PRKCH: variants seen among roughly 807,000 people sequenced by gnomAD.
The protein encoded by PRKCH is protein kinase C eta.
PRKCH carries 28 observed loss-of-function variants against 82.5 expected under a neutral mutation model. The observed-to-expected ratio is 0.34, with a 90% confidence interval of 0.25 to 0.47. The LOEUF (loss-of-function observed/expected upper bound fraction) is 0.47. Among genes scored for constraint, PRKCH ranks in the 20% least tolerant of loss-of-function variants. PRKCH has a pLI of 1.00. For missense variants in PRKCH, 705 were observed against 881.8 expected (o/e 0.80, Z 2.54); for synonymous variants, 322 against 327.4 (o/e 0.98, Z 0.18).
intron 12 of PRKCH, among the ~76,000 whole-genome samples, chr14:61,531,009 C>T (rs912219080): frequency 5.3e-5 from 8 of 152,148 alleles, no homozygotes; most frequent in Non-Finnish European, 2.9e-5. Context: ...CAGGATGAAG[C>T]GGTCGGGTCT....
At chr14:61,415,433 G>T (rs551317862) in intron 2 of PRKCH, among the ~76,000 whole-genome samples, 1 of 152,274 alleles carries the variant, frequency 6.6e-6, no homozygotes, top group South Asian at 2.1e-4. Flanking sequence ...TGTGGAAGAG[G>T]TTTCACCCAC....
At chr14:61,376,696 C>T (rs1776539897) in intron 1 of PRKCH, among the ~76,000 whole-genome samples, 1 of 150,084 alleles carries the variant, frequency 6.7e-6, no homozygotes, top group Admixed American at 6.6e-5. Context: ...CACCTCCAGC[C>T]CCATCTACAC....
chr14:61,542,404 G>C (rs1425287699), intron 12 of PRKCH, among the ~76,000 whole-genome samples: 3 of 152,094 alleles, frequency 2.0e-5, no homozygotes, highest in Non-Finnish European at 2.9e-5. Context: ...AATAGGGTTT[G>C]GTGGTATGTG....
At chr14:61,426,981 C>T (rs1883139301) in intron 2 of PRKCH, among the ~76,000 whole-genome samples, 1 of 152,116 alleles carries the variant, frequency 6.6e-6, no homozygotes, top group African/African-American at 2.4e-5. Context: ...TATTCTGAGC[C>T]AAATATGAGT....
At chr14:61,369,246 A>G (rs2046336692) in intron 1 of PRKCH, among the ~76,000 whole-genome samples, 1 of 152,102 alleles carries the variant, frequency 6.6e-6, no homozygotes, top group Admixed American at 6.5e-5. Context: ...CTGGACCCCC[A>G]TGCCCAGATT....
chr14:61,549,611 G>A, intron 13 of PRKCH, 74 bp from the exon 14 acceptor site: 5 of 1,525,592 alleles, frequency 3.3e-6, no homozygotes, highest in Non-Finnish European at 4.5e-6. Flanking sequence ...CACTGGAATG[G>A]GCTATATCCC....
At chr14:61,189,256 A>G (rs1275680705) in intron 1 of PRKCH, among the ~76,000 whole-genome samples, 2 of 152,186 alleles carry the variant, frequency 1.3e-5, no homozygotes, top group Non-Finnish European at 1.5e-5. Context: ...CCCAGCCCTG[A>G]CCTTACTGAG....
chr14:61,530,332 A>T, intron 11 of PRKCH, 75 bp from the exon 12 acceptor site: 9 of 1,380,960 alleles, frequency 6.5e-6, no homozygotes, highest in African/African-American at 1.5e-5. Context: ...TAATGCATCA[A>T]TTTCCCTAGT....
chr14:61,456,349 C>A (rs1352889325), intron 7 of PRKCH, among the ~76,000 whole-genome samples: 2 of 152,152 alleles, frequency 1.3e-5, no homozygotes, highest in African/African-American at 4.8e-5. Context: ...GTATTCACTC[C>A]AGTGTTATTC....
chr14:61,477,843 AC>A (rs1307316141), intron 9 of PRKCH, among the ~76,000 whole-genome samples: 2 of 152,072 alleles, frequency 1.3e-5, no homozygotes, highest in Non-Finnish European at 2.9e-5. Flanking sequence ...ACCTCCTTCG[AC>A]CCTCTATACC....
In PRKCH at chr14:61,280,455, C is replaced by A; in HGVS notation, c.-19+92787C>A. ...GGTCGGGGCTGAGCTCGTAGACTGG[C>A]CGGCGCCAGTTGGGCGGGGGCGCCG... On this transcript the variant is annotated intron_variant, in intron 1 of 3. Coordinates refer to the PRKCH transcript ENST00000555185. The surrounding 1 kb of genome is among the most constrained non-coding windows in gnomAD (Gnocchi z 5.0). 6.2e-7 allele frequency: 1 copy of A among 1,613,728 alleles called. No homozygotes were observed. Among genetic ancestry groups the A allele is most frequent in the Non-Finnish European group, 8.5e-7 (1 of 1,179,802 alleles).
intron 1 of PRKCH, among the ~76,000 whole-genome samples, chr14:61,310,925 G>A (rs546185950): frequency 6.6e-6 from 1 of 152,366 alleles, no homozygotes; most frequent in East Asian, 1.9e-4. Flanking sequence ...CAAGGCTTGG[G>A]GCTTGCACCT....
At chr14:61,402,819 AAAG>A (rs1412792891) in intron 2 of PRKCH, among the ~76,000 whole-genome samples, 3 of 134,464 alleles carry the variant, frequency 2.2e-5, no homozygotes, top group African/African-American at 1.2e-4. Context: ...AAAAAAGAAA[AAAG>A]AAAGAATCTA....
chr14:61,403,557 G>T lies in PRKCH; in HGVS notation c.427+12269G>T, dbSNP rs114426670. Reference sequence around the variant, plus strand: ...CAGGAAGTGACACCAAAACAACTCAGAAGCCTGTGGTGGTTTCTAACTTTA... The same window carrying T: ...CAGGAAGTGACACCAAAACAACTCATAAGCCTGTGGTGGTTTCTAACTTTA... On this transcript the variant is annotated intron_variant, in intron 2 of 13. Coordinates refer to ENST00000332981, the MANE Select transcript of PRKCH (RefSeq NM_006255.5). Among the ~76,000 whole-genome samples, 980 of 152,336 alleles carry T rather than the reference G, an allele frequency of 6.4e-3. 12 individuals are homozygous for T. Among genetic ancestry groups the T allele is most frequent in the African/African-American group, 0.022 (924 of 41,574 alleles).
chr14:61,473,506 A>C (rs1455135174), intron 9 of PRKCH, among the ~76,000 whole-genome samples: 1 of 152,232 alleles, frequency 6.6e-6, no homozygotes, highest in Non-Finnish European at 1.5e-5. Context: ...ACACTAAAGA[A>C]GTAGACATGA....
intron 2 of PRKCH, among the ~76,000 whole-genome samples, chr14:61,419,356 G>A (rs183553679): frequency 3.9e-4 from 59 of 152,208 alleles, no homozygotes; most frequent in Non-Finnish European, 7.5e-4. Flanking sequence ...AATACTGAAG[G>A]GTTTCTCAAC....
At chr14:61,526,554 AG>A (rs1169458020) in intron 10 of PRKCH, among the ~76,000 whole-genome samples, 1 of 152,190 alleles carries the variant, frequency 6.6e-6, no homozygotes, top group Non-Finnish European at 1.5e-5. Context: ...CTCACAGGAC[AG>A]CGTGTGGAAA....
chr14:61,371,299 C>T (rs1161374669), intron 1 of PRKCH, among the ~76,000 whole-genome samples: 1 of 151,964 alleles, frequency 6.6e-6, no homozygotes, highest in Non-Finnish European at 1.5e-5. Flanking sequence ...GCTAATGAAT[C>T]AATAATGATA....
At chr14:61,485,477 GGC>G (rs769450288) in intron 9 of PRKCH, 23 bp from the exon 10 acceptor site, 2 of 1,610,754 alleles carry the variant, frequency 1.2e-6, no homozygotes, top group East Asian at 4.5e-5. Context: ...CACCACATTG[GGC>G]CCTCTCTTGT....
Sources: gnomAD v4.1 joint callset for allele counts (sites outside exome capture counted in the v4.1 genomes callset) on GRCh38, gnomAD v4.1.1 for gene constraint, Gnocchi (gnomAD v3.1) non-coding constraint, MANE v1.5 for transcripts, NCBI Gene and HGNC (gene_info 2026-07-23, HGNC 2026-07-21) for gene names.